Variants in FRRS1 observed in about 807,000 individuals in gnomAD.
The protein encoded by FRRS1 is ferric reductase 1.
FRRS1 carries 51 observed loss-of-function variants against 70.7 expected under a neutral mutation model. That is an observed-to-expected ratio of 0.72 (90% CI 0.58 to 0.91). The LOEUF (loss-of-function observed/expected upper bound fraction) is 0.91, where lower values mean the gene tolerates loss of function less well. Among genes scored for constraint, FRRS1 ranks in the 40% least tolerant of loss-of-function variants. FRRS1 has a pLI of 0.00. For missense variants in FRRS1, 672 were observed against 726.0 expected, an observed-to-expected ratio of 0.93 and a Z score of 0.86; for synonymous variants, 225 against 238.7, an observed-to-expected ratio of 0.94 and a Z score of 0.53.
At chr1:99,717,939 C>A (rs903550134) in intron 10 of FRRS1, among the ~76,000 whole-genome samples, 1 of 152,156 alleles carries the variant, frequency 6.6e-6, no homozygotes, top group African/African-American at 2.4e-5. Context: ...CTAATAACTG[C>A]CTGTGTGTAG....
chr1:99,749,847 A>G (rs891688374), intron 1 of FRRS1, among the ~76,000 whole-genome samples: 10 of 152,212 alleles, frequency 6.6e-5, no homozygotes, highest in Non-Finnish European at 1.3e-4. Context: ...ACAGGACTCA[A>G]CAAGGCTGGA....
intron 9 of FRRS1, among the ~76,000 whole-genome samples, chr1:99,725,716 A>T (rs185180928): frequency 1.1e-4 from 16 of 152,316 alleles, no homozygotes; most frequent in Non-Finnish European, 1.8e-4. Flanking sequence ...TCATCCATCA[A>T]CTAGGTGTTT....
At chr1:99,744,888 T>C (rs1292086177) in intron 4 of FRRS1, among the ~76,000 whole-genome samples, 2 of 144,258 alleles carry the variant, frequency 1.4e-5, no homozygotes, top group Non-Finnish European at 1.5e-5. Context: ...GAGAATGGCG[T>C]GAACCCGGGA....
chr1:99,752,052 A>G (rs1656595459), intron 1 of FRRS1, among the ~76,000 whole-genome samples: 1 of 152,210 alleles, frequency 6.6e-6, no homozygotes, highest in Non-Finnish European at 1.5e-5. Context: ...ATAGAATTAA[A>G]CAAAGGTAGG....
Position 99,707,931 on chromosome 1 carries a change from T to C in FRRS1, c.*1097A>G, listed in dbSNP as rs1463691660. ...TATCTATTAGATATGTTCACAAGGG[T>C]TTTATCAATTTTGAAATCCAAGTGT... On this transcript the variant is annotated 3_prime_UTR_variant, in exon 17 of 17. Transcript: ENST00000646001. Among the ~76,000 whole-genome samples, 3 of 152,140 alleles carry C rather than the reference T, an allele frequency of 2.0e-5. No homozygotes were observed. Among genetic ancestry groups the C allele is most frequent in the Non-Finnish European group, 4.4e-5 (3 of 68,028 alleles).
intron 11 of FRRS1, among the ~76,000 whole-genome samples, chr1:99,716,244 G>C (rs922043823): frequency 3.9e-4 from 60 of 152,350 alleles, no homozygotes; most frequent in African/African-American, 1.4e-3. Context: ...GAAGCACCCT[G>C]TGTATGTGTG....
intron 6 of FRRS1, among the ~76,000 whole-genome samples, chr1:99,739,401 T>C (rs941404582): frequency 6.6e-6 from 1 of 152,198 alleles, no homozygotes; most frequent in Non-Finnish European, 1.5e-5. Flanking sequence ...TGACTGTGTA[T>C]TTCCCTAAAG....
intron 5 of FRRS1, among the ~76,000 whole-genome samples, chr1:99,741,160 A>T (rs893960281): frequency 9.9e-5 from 15 of 152,204 alleles, no homozygotes; most frequent in Admixed American, 7.8e-4. Flanking sequence ...CTCTTTCCTT[A>T]TTTGTCTGTT....
rs546432294 is a variant in FRRS1, at chr1:99,751,946, G to A, written c.-105-2945C>T. Among the ~76,000 whole-genome samples the A allele has an allele frequency of 4.6e-5, 7 of 152,172 alleles. No individual in the cohort carries two copies. The East Asian group carries it at 5.8e-4, about 13-fold the overall frequency. On this transcript the variant is annotated intron_variant, in intron 1 of 16. Coordinates refer to ENST00000646001, the MANE Select transcript of FRRS1 (RefSeq NM_001361041.2). ...TATATGTTTATATATGCTTACTTTC[G>A]TATGCTTCTATATCAGCAAAATAAA...
intron 9 of FRRS1, among the ~76,000 whole-genome samples, chr1:99,720,376 A>C (rs1303275553): frequency 6.6e-6 from 1 of 152,200 alleles, no homozygotes; most frequent in Non-Finnish European, 1.5e-5. Flanking sequence ...GCTGGCAAAA[A>C]ATAAAAAAGC....
At chr1:99,756,061 A>T (rs1231888476) in intron 1 of FRRS1, among the ~76,000 whole-genome samples, 1 of 152,236 alleles carries the variant, frequency 6.6e-6, no homozygotes, top group Non-Finnish European at 1.5e-5. Flanking sequence ...CATAATTATG[A>T]CAGAATAGGA....
At position 99,719,632 on chromosome 1, in the gene FRRS1, T is replaced by C; in HGVS notation, c.1022A>G (p.His341Arg). 6.3e-7 allele frequency: 1 copy of C among 1,594,356 alleles called. No individual in the cohort carries two copies. Among genetic ancestry groups the C allele is most frequent in the Non-Finnish European group, 8.6e-7 (1 of 1,164,732 alleles). ...GAANDGRIYK[H>R]SQQPLITYEK... ...ATAGGTAATCAAAGGTTGCTGAGAG[T>C]GCTTGTAAATTCGACCTGCAAATTA... Residue 341 changes from histidine to arginine, a missense_variant, in exon 10 of 17, where the codon CAC (histidine) becomes CGC (arginine). His to Arg is a conservative substitution (Grantham distance 29). Coordinates refer to ENST00000646001, the MANE Select transcript of FRRS1 (RefSeq NM_001361041.2).
chr1:99,718,036 T>C (rs1004376989), intron 10 of FRRS1, among the ~76,000 whole-genome samples: 1 of 152,218 alleles, frequency 6.6e-6, no homozygotes, highest in South Asian at 2.1e-4. Context: ...ACTACCAAAC[T>C]GGAGCTACAA....
chr1:99,716,352 A>C (rs59875212), intron 11 of FRRS1, among the ~76,000 whole-genome samples: 1 of 152,362 alleles, frequency 6.6e-6, no homozygotes, highest in East Asian at 1.9e-4. Context: ...TACACACATC[A>C]TCAGCATCAT....
At chr1:99,763,264 T>C (rs1353927329) in intron 1 of FRRS1, among the ~76,000 whole-genome samples, 2 of 152,002 alleles carry the variant, frequency 1.3e-5, no homozygotes, top group African/African-American at 4.8e-5. Context: ...ATTTTTCCCC[T>C]AAATGGGACC....
At chr1:99,741,598 T>TCA (rs1421564541) in intron 5 of FRRS1, among the ~76,000 whole-genome samples, 1 of 152,240 alleles carries the variant, frequency 6.6e-6, no homozygotes, top group Non-Finnish European at 1.5e-5. Flanking sequence ...CTACTGAGTT[T>TCA]CATAATTTGA....
chr1:99,753,932 G>A (rs1424174055), intron 1 of FRRS1, among the ~76,000 whole-genome samples: 2 of 152,188 alleles, frequency 1.3e-5, no homozygotes, highest in African/African-American at 4.8e-5. Context: ...TAGATTAAAA[G>A]TAAATGCATA....
At chr1:99,765,689 C>G (rs1413156452) in intron 1 of FRRS1, 1 of 151,980 alleles carries the variant, frequency 6.6e-6, no homozygotes, top group Non-Finnish European at 1.5e-5. Context: ...ATCACGAGGT[C>G]AGGAGATAGA....
At chr1:99,721,687 C>T (rs574778725) in intron 9 of FRRS1, among the ~76,000 whole-genome samples, 11 of 150,908 alleles carry the variant, frequency 7.3e-5, no homozygotes, top group South Asian at 4.2e-4. Flanking sequence ...CAACCTCTGC[C>T]GCTCAGGTTC....
Sources: allele counts gnomAD v4.1 joint callset (sites outside exome capture counted in the v4.1 genomes callset), GRCh38; gene constraint gnomAD v4.1.1; transcripts MANE v1.5; gene names NCBI Gene and HGNC (gene_info 2026-07-23, HGNC 2026-07-21).